Variants in TECPR2 observed in about 807,000 individuals in gnomAD.
TECPR2 encodes tectonin beta-propeller repeat containing 2, also known as tectonin beta-propeller repeat-containing protein 2.
Under a neutral mutation model 138.1 loss-of-function variants are expected in TECPR2, and 65 were observed. The ratio of observed to expected loss-of-function variants is 0.47; its 90% CI spans 0.39 to 0.58. TECPR2 has a LOEUF of 0.58. Among genes scored for constraint, TECPR2 ranks in the 20% least tolerant of loss-of-function variants. TECPR2 has a pLI of 0.00. For synonymous variants in TECPR2, 746 were observed against 749.8 expected, an observed-to-expected ratio of 0.99 and a Z score of 0.08; for missense variants, 1,553 against 1,824.5, an observed-to-expected ratio of 0.85 and a Z score of 2.71.
intron 1 of TECPR2, among the ~76,000 whole-genome samples, 155 bp from the exon 2 acceptor site, chr14:102,376,495 C>G (rs1045645605): frequency 1.3e-5 from 2 of 152,064 alleles, no homozygotes; most frequent in Admixed American, 6.5e-5. Flanking sequence ...TTAAAATGCT[C>G]AAAAGTGATC....
At chr14:102,367,981 T>G (rs1887389720) in intron 1 of TECPR2, among the ~76,000 whole-genome samples, 1 of 150,384 alleles carries the variant, frequency 6.6e-6, no homozygotes, top group Admixed American at 6.6e-5. Flanking sequence ...CATCTTTTTA[T>G]GTGCTTATTG....
rs535108782 is a variant in TECPR2 at position 102,396,302 on chromosome 14, C to T, written c.220-11036C>T. On this transcript the variant is annotated intron_variant, in intron 2 of 19. Coordinates refer to ENST00000359520, the MANE Select transcript of TECPR2 (RefSeq NM_014844.5). The stretch of plus-strand genomic sequence containing the variant: ...ATTTTTAGTAGAGACGGAGTTTCGC[C>T]GTGTTGGCCAGGCTGGTCTTGAACT... Among the ~76,000 whole-genome samples, 6 of 152,056 alleles carry T rather than the reference C, an allele frequency of 3.9e-5. No individual in the cohort carries two copies. In the East Asian group the frequency reaches 7.8e-4, roughly 20 times the overall value.
intron 1 of TECPR2, among the ~76,000 whole-genome samples, chr14:102,375,256 G>C (rs758664432): frequency 6.6e-6 from 1 of 152,130 alleles, no homozygotes; most frequent in African/African-American, 2.4e-5. Context: ...GGAGGCAGGA[G>C]GTTCACTTGA....
At chr14:102,470,190 G>A (rs1425782045) in intron 17 of TECPR2, among the ~76,000 whole-genome samples, 11 of 151,984 alleles carry the variant, frequency 7.2e-5, no homozygotes, top group African/African-American at 1.9e-4. Context: ...CACCCCATTT[G>A]TTAGAATTCG....
Position 102,363,050 on chromosome 14 carries a change from GCCC to G in TECPR2, c.-138_-136del. The G allele has an allele frequency of 1.6e-6, 1 of 607,694 alleles. No individual in the cohort carries two copies. The allele number at this position is 607,694 out of a possible 1,614,324, so 37.6% of individuals were successfully genotyped here. On this transcript the variant is annotated 5_prime_UTR_variant, in exon 1 of 20. Transcript: ENST00000359520. ...GAACAGGCTCCCGGCAGCCCCCGCG[GCCC>G]GGAGTCCATCCCGCCTCCTCCGGCC...
chr14:102,496,594 C>T (rs1202008196), intron 17 of TECPR2, among the ~76,000 whole-genome samples: 1 of 152,210 alleles, frequency 6.6e-6, no homozygotes, highest in Non-Finnish European at 1.5e-5. Context: ...GCAGCACAGG[C>T]AGGTGGCAGG....
intron 16 of TECPR2, among the ~76,000 whole-genome samples, chr14:102,460,466 T>G (rs889841552): frequency 1.3e-5 from 2 of 150,994 alleles, no homozygotes; most frequent in African/African-American, 4.9e-5. Flanking sequence ...ATACAAAAAT[T>G]AGCCAGGTGT....
At chr14:102,482,588 C>T (rs1003490739) in intron 17 of TECPR2, among the ~76,000 whole-genome samples, 1 of 152,144 alleles carries the variant, frequency 6.6e-6, no homozygotes, top group Non-Finnish European at 1.5e-5. Flanking sequence ...TCCCGGATCC[C>T]GGGTCTTCCT....
At chr14:102,494,352 G>A (rs1891226956) in intron 17 of TECPR2, among the ~76,000 whole-genome samples, 1 of 151,920 alleles carries the variant, frequency 6.6e-6, no homozygotes, top group African/African-American at 2.4e-5. Flanking sequence ...AGATCAGCCT[G>A]GCCAACATGG....
rs3759567 is a variant in TECPR2, at chr14:102,433,999, C to T, written c.1418-236C>T. Among the ~76,000 whole-genome samples, 33,303 of 152,084 alleles carry T rather than the reference C, an allele frequency of 0.22. 4,329 individuals are homozygous for T. Among genetic ancestry groups the T allele is most frequent in the Middle Eastern group, 0.31 (91 of 294 alleles). On this transcript the variant is annotated intron_variant, in intron 8 of 19. Transcript: ENST00000359520. ...TGGTTTGTGACCCAGGTGAACATCT[C>T]AGTTTGTCCCCTGGTTTTTCTTAGC...
intron 2 of TECPR2, among the ~76,000 whole-genome samples, chr14:102,392,971 CA>C (rs1888220025): frequency 6.6e-6 from 1 of 152,164 alleles, no homozygotes; most frequent in African/African-American, 2.4e-5. Flanking sequence ...ATTTCCTTGC[CA>C]GCTCCATTTG....
chr14:102,392,338 A>G (rs753861907), intron 2 of TECPR2, among the ~76,000 whole-genome samples: 14 of 151,970 alleles, frequency 9.2e-5, no homozygotes, highest in Admixed American at 2.6e-4. Flanking sequence ...TCTCTCTTCT[A>G]TGTCTCTAAA....
chr14:102,479,016 CAAA>C (rs34162369), intron 17 of TECPR2, among the ~76,000 whole-genome samples: 25 of 102,058 alleles, frequency 2.4e-4, no homozygotes, highest in Admixed American at 4.2e-4. Context: ...GGCCCTGTCT[CAAA>C]AAAAAAAAAA....
At chr14:102,428,788 A>G (rs192525780) in intron 7 of TECPR2, among the ~76,000 whole-genome samples, 1 of 151,242 alleles carries the variant, frequency 6.6e-6, no homozygotes, top group East Asian at 2.0e-4. Context: ...ACTTACCATT[A>G]TTTTGCTAAA....
chr14:102,372,270 C>CTTT (rs368764334), intron 1 of TECPR2, among the ~76,000 whole-genome samples: 5 of 144,956 alleles, frequency 3.4e-5, no homozygotes, highest in East Asian at 2.0e-4. Context: ...CTTTTCTTTT[C>CTTT]TTTTTTTTTT....
intron 17 of TECPR2, among the ~76,000 whole-genome samples, chr14:102,491,995 C>T (rs1305741800): frequency 1.3e-5 from 2 of 152,224 alleles, no homozygotes; most frequent in Non-Finnish European, 2.9e-5. Context: ...CACATGAGCC[C>T]TGCCAGTGGT....
At chr14:102,366,329 A>T (rs1313956619) in intron 1 of TECPR2, among the ~76,000 whole-genome samples, 1 of 152,072 alleles carries the variant, frequency 6.6e-6, no homozygotes, top group Middle Eastern at 3.2e-3. Context: ...CTAAGGAAGC[A>T]TTATTCATTA....
intron 15 of TECPR2, among the ~76,000 whole-genome samples, chr14:102,451,531 T>C (rs1861304974): frequency 6.6e-6 from 1 of 152,174 alleles, no homozygotes; most frequent in African/African-American, 2.4e-5. Flanking sequence ...GGATCTCACA[T>C]AGCTGCCTCC....
intron 2 of TECPR2, among the ~76,000 whole-genome samples, chr14:102,396,099 G>A (rs996652943): frequency 7.0e-6 from 1 of 143,272 alleles, no homozygotes; most frequent in Non-Finnish European, 1.5e-5. Context: ...AAGTTCTTTA[G>A]TACTCTTTTT....
Sources: allele counts gnomAD v4.1 joint callset (sites outside exome capture counted in the v4.1 genomes callset), GRCh38; gene constraint gnomAD v4.1.1; transcripts MANE v1.5; gene names NCBI Gene and HGNC (gene_info 2026-07-23, HGNC 2026-07-21).